Variants in IP6K2 observed in about 807,000 individuals in gnomAD.
The protein encoded by IP6K2 is ATP:1D-myo-inositol-hexakisphosphate phosphotransferase.
A neutral mutation model predicts 43.3 loss-of-function variants in IP6K2; 9 were observed. The observed-to-expected ratio is 0.21, with a 90% confidence interval of 0.13 to 0.36. IP6K2 has a LOEUF of 0.36. IP6K2 is among the 10% of genes least tolerant of loss of function. The pLI is 1.00. For missense variants in IP6K2, 332 were observed against 538.4 expected, an observed-to-expected ratio of 0.62 and a Z score of 3.79; for synonymous variants, 209 against 202.4, an observed-to-expected ratio of 1.03 and a Z score of -0.28.
intron 1 of IP6K2, among the ~76,000 whole-genome samples, chr3:48,704,898 G>C (rs1400754545): frequency 2.6e-5 from 4 of 151,666 alleles, no homozygotes; most frequent in Admixed American, 1.3e-4. Flanking sequence ...TCAGCCTCCC[G>C]AGTAGCTGAG....
chr3:48,708,605 C>A (rs1042582214), intron 1 of IP6K2, among the ~76,000 whole-genome samples: 2 of 151,834 alleles, frequency 1.3e-5, no homozygotes, highest in Admixed American at 1.3e-4. Context: ...CCAGTTACCC[C>A]TTTTTCAAGA....
chr3:48,716,295 A>G (rs1212972972), intron 1 of IP6K2: 1 of 152,198 alleles, frequency 6.6e-6, no homozygotes, highest in Non-Finnish European at 1.5e-5. Flanking sequence ...CTTTTTCTTA[A>G]AACTATTCAA....
Position 48,691,003 on chromosome 3 carries a change from C to T in IP6K2, c.604+304G>A, listed in dbSNP as rs139282211. ...CTGAAAACAGGGAGCAGCTCCTTGC[C>T]CTCTTCCTCTAGGTTACCTAGGCTA... On this transcript the variant is annotated intron_variant, in intron 4 of 5. Coordinates refer to ENST00000328631, the MANE Select transcript of IP6K2 (RefSeq NM_016291.4). Among the ~76,000 whole-genome samples the T allele has an allele frequency of 5.9e-5, 9 of 152,130 alleles. 1 individual carries two copies. Among genetic ancestry groups the T allele is most frequent in the East Asian group, 5.8e-4 (3 of 5,168 alleles).
chr3:48,704,978 G>A (rs2079539116), intron 1 of IP6K2, among the ~76,000 whole-genome samples: 2 of 150,804 alleles, frequency 1.3e-5, no homozygotes, highest in African/African-American at 4.9e-5. Context: ...GTCTCACTCT[G>A]TCGCCCAGGC....
chr3:48,709,623 G>A (rs2080245266), intron 1 of IP6K2, among the ~76,000 whole-genome samples: 3 of 152,140 alleles, frequency 2.0e-5, no homozygotes, highest in Admixed American at 2.0e-4. Context: ...CAGATCACGA[G>A]GTCAGGAGAT....
intron 2 of IP6K2, chr3:48,694,517 TG>T: frequency 6.5e-7 from 1 of 1,534,800 alleles, no homozygotes; most frequent in South Asian, 1.2e-5. Flanking sequence ...TGGTGGCTGC[TG>T]ATGTCCCCTA....
intron 1 of IP6K2, among the ~76,000 whole-genome samples, chr3:48,710,156 G>C (rs2080316296): frequency 6.6e-6 from 1 of 152,184 alleles, no homozygotes. Context: ...GGAAGCTGAG[G>C]CGGGAGGATT....
chr3:48,701,758 C>A (rs180764264), intron 1 of IP6K2, among the ~76,000 whole-genome samples: 1 of 151,710 alleles, frequency 6.6e-6, no homozygotes, highest in Non-Finnish European at 1.5e-5. Context: ...ATTAGCTAGG[C>A]GTGGTGGCAG....
chr3:48,704,129 A>G (rs1017344228), intron 1 of IP6K2, among the ~76,000 whole-genome samples: 13 of 152,160 alleles, frequency 8.5e-5, no homozygotes, highest in African/African-American at 1.2e-4. Flanking sequence ...ACAAACAATA[A>G]AAAACTAAAA....
chr3:48,715,410 T>C, intron 1 of IP6K2: 1 of 1,536,276 alleles, frequency 6.5e-7, no homozygotes, highest in Non-Finnish European at 8.7e-7. Flanking sequence ...GCATCCCTCT[T>C]GGAAGGGAGA....
At chr3:48,701,810 A>C (rs2079084091) in intron 1 of IP6K2, among the ~76,000 whole-genome samples, 1 of 152,158 alleles carries the variant, frequency 6.6e-6, no homozygotes, top group Non-Finnish European at 1.5e-5. Flanking sequence ...AGGCACAAGA[A>C]TCGCTTGAGC....
chr3:48,688,308 T>G lies in IP6K2; in HGVS notation c.1246A>C (p.Ile416Leu). The G allele has an allele frequency of 6.2e-7, 1 of 1,614,148 alleles. No individual in the cohort carries two copies. Among genetic ancestry groups the G allele is most frequent in the East Asian group, 2.2e-5 (1 of 44,878 alleles). Reference sequence around the variant, plus strand: ...CTCTCCTCACTTATCTCTGTGACAATGTCTATCAGGCTCTGGAGCCCGAAG... The same window carrying G: ...CTCTCCTCACTTATCTCTGTGACAAGGTCTATCAGGCTCTGGAGCCCGAAG... ...YIFGLQSLID[I>L]VTEISEESGE Residue 416 changes from isoleucine to leucine, a missense_variant, in exon 6 of 6, where the codon ATT (isoleucine) becomes CTT (leucine). By Grantham distance (5) the Ile-to-Leu change is conservative. Coordinates refer to ENST00000328631, the MANE Select transcript of IP6K2 (RefSeq NM_016291.4). This position sits in a 1 kb window ranked among gnomAD's most constrained non-coding sequence, Gnocchi z 5.1.
In IP6K2 at chr3:48,694,257, G is replaced by C. The variant is rs752683798; in HGVS notation, c.202+833C>G. On this transcript the variant is annotated intron_variant, in intron 2 of 5. Transcript: ENST00000328631. ...GGCTTTGTCCTGGAAAAAAACAACAGAGAAGGACCAAGTGAGGGCCCCCAA... is the reference window on the plus strand; with the variant it reads ...GGCTTTGTCCTGGAAAAAAACAACACAGAAGGACCAAGTGAGGGCCCCCAA... 1.9e-5 allele frequency: 29 copies of C among 1,551,452 alleles called. No homozygotes were observed. In the South Asian group the frequency reaches 3.1e-4, roughly 17 times the overall value.
intron 1 of IP6K2, among the ~76,000 whole-genome samples, chr3:48,702,537 G>C (rs1308121705): frequency 6.6e-6 from 1 of 151,566 alleles, no homozygotes; most frequent in Non-Finnish European, 1.5e-5. Context: ...TCAAACTCCT[G>C]GGCTCAAGTG....
chr3:48,699,079 A>G (rs952193353), intron 1 of IP6K2, among the ~76,000 whole-genome samples: 3 of 152,114 alleles, frequency 2.0e-5, no homozygotes, highest in Admixed American at 2.0e-4. Flanking sequence ...AAATAAACAA[A>G]AACAGTCCTT....
In IP6K2 at chr3:48,695,056, C is replaced by T; in HGVS notation, c.202+34G>A. On this transcript the variant is annotated intron_variant, in intron 2 of 5. Transcript: ENST00000328631. This position sits in a 1 kb window ranked among gnomAD's most constrained non-coding sequence, Gnocchi z 4.6. ...GCCACGATCTCTCACATCTCCTCGC[C>T]AGTGTGGCAACCCCTCCAGCAGCTG... 2 of 1,614,122 alleles carry T rather than the reference C, an allele frequency of 1.2e-6. No individual in the cohort carries two copies. The highest frequency in any genetic ancestry group is 1.7e-6 in the Non-Finnish European group (2 of 1,179,962).
rs1406299574 is a variant in IP6K2, at chr3:48,689,518, A to AC, written c.780+19_780+20insG. Reference sequence around the variant, plus strand: ...GTGACAGCCACTGGATGCCCTAGCCAGCCCTAGCATCCCCCTCACCTGCAT... The same window carrying AC: ...GTGACAGCCACTGGATGCCCTAGCCACGCCCTAGCATCCCCCTCACCTGCAT... On this transcript the variant is annotated intron_variant, in intron 5 of 5. Coordinates refer to ENST00000328631, the MANE Select transcript of IP6K2 (RefSeq NM_016291.4). The AC allele has an allele frequency of 6.2e-7, 1 of 1,600,406 alleles. No individual in the cohort carries two copies. The highest frequency in any genetic ancestry group is 8.5e-7 in the Non-Finnish European group (1 of 1,173,856).
At chr3:48,711,639 T>C (rs1182524561) in intron 1 of IP6K2, among the ~76,000 whole-genome samples, 1 of 152,182 alleles carries the variant, frequency 6.6e-6, no homozygotes, top group Admixed American at 6.5e-5. Context: ...CAGGTAAAAC[T>C]TCCATTCATA....
chr3:48,707,370 C>T (rs1423499410), intron 1 of IP6K2, among the ~76,000 whole-genome samples: 1 of 152,204 alleles, frequency 6.6e-6, no homozygotes, highest in South Asian at 2.1e-4. Flanking sequence ...CACCACAACA[C>T]GCACTGTCCT....
Sources: gnomAD v4.1 joint callset for allele counts (sites outside exome capture counted in the v4.1 genomes callset) on GRCh38, gnomAD v4.1.1 for gene constraint, Gnocchi (gnomAD v3.1) non-coding constraint, MANE v1.5 for transcripts, NCBI Gene and HGNC (gene_info 2026-07-23, HGNC 2026-07-21) for gene names.